The following IQCM variants were observed in gnomAD, a reference collection of about 807,000 sequenced individuals.
IQCM encodes the protein IQ domain-containing protein M.
IQCM carries 45 observed loss-of-function variants against 57.6 expected under a neutral mutation model. That is an observed-to-expected ratio of 0.78 (90% CI 0.62 to 1.00). The LOEUF is 1.00. IQCM is among the 50% of genes least tolerant of loss of function. The pLI is 0.00. For synonymous variants in IQCM, 148 were observed against 158.9 expected (o/e 0.93, Z 0.51); for missense variants, 468 against 511.6 (o/e 0.91, Z 0.82).
chr4:149,484,156 C>T (rs1741213300), intron 12 of IQCM, among the ~76,000 whole-genome samples: 1 of 151,880 alleles, frequency 6.6e-6, no homozygotes, highest in South Asian at 2.1e-4. Flanking sequence ...ATATCTCTTT[C>T]CATCCCTGAA....
chr4:149,518,910 G>C (rs1328908102), intron 12 of IQCM, among the ~76,000 whole-genome samples: 1 of 152,190 alleles, frequency 6.6e-6, no homozygotes, highest in African/African-American at 2.4e-5. Flanking sequence ...CCTACACTTA[G>C]GGAAGAGGTA....
chr4:149,507,619 C>T (rs1316942158), intron 12 of IQCM, among the ~76,000 whole-genome samples: 1 of 151,930 alleles, frequency 6.6e-6, no homozygotes, highest in Non-Finnish European at 1.5e-5. Context: ...TTCTAAGCAG[C>T]AAACATTCAA....
At chr4:149,505,231 C>A (rs752645993) in intron 12 of IQCM, among the ~76,000 whole-genome samples, 1 of 152,026 alleles carries the variant, frequency 6.6e-6, no homozygotes, top group African/African-American at 2.4e-5. Flanking sequence ...CTCAAACATA[C>A]GTACGAAAGA....
chr4:149,729,450 CT>C, intron 5 of IQCM, among the ~76,000 whole-genome samples: 2 of 135,952 alleles, frequency 1.5e-5, no homozygotes, highest in East Asian at 4.6e-4. Flanking sequence ...CACTCAAAGT[CT>C]TTTTTTGTTG....
chr4:149,391,407 G>T (rs530233727), intron 13 of IQCM, among the ~76,000 whole-genome samples: 1 of 151,878 alleles, frequency 6.6e-6, no homozygotes, highest in African/African-American at 2.4e-5. Flanking sequence ...CTAAAGATTG[G>T]TAGCTTTTGT....
intron 5 of IQCM, among the ~76,000 whole-genome samples, chr4:149,709,425 T>C (rs1351826491): frequency 6.6e-6 from 1 of 152,134 alleles, no homozygotes; most frequent in East Asian, 1.9e-4. Flanking sequence ...TGCTTTTCTG[T>C]ATGAGCATAT....
intron 13 of IQCM, among the ~76,000 whole-genome samples, chr4:149,417,642 GATTCAA>G (rs2111201553): frequency 6.6e-6 from 1 of 152,180 alleles, no homozygotes; most frequent in Non-Finnish European, 1.5e-5. Flanking sequence ...AAACCAGCTA[GATTCAA>G]GGTCCACAAT....
chr4:149,530,795 A>ACCCCCCC (rs1169417035), intron 12 of IQCM, among the ~76,000 whole-genome samples: 5 of 26,228 alleles, frequency 1.9e-4, no homozygotes, highest in Admixed American at 3.3e-4. Flanking sequence ...AGACACCCCC[A>ACCCCCCC]CCCCCCCACC....
chr4:149,650,404 GTTT>G lies in IQCM; in HGVS notation c.566-29163_566-29161del, dbSNP rs35846638. On this transcript the variant is annotated intron_variant, in intron 7 of 13. Transcript: ENST00000636793. ...CACCTTTGTTTCAATTAATTTCTGG[GTTT>G]TTTTTTTTTTTTTTTGACTCTGTCA... Among the ~76,000 whole-genome samples, 365 of 132,534 alleles carry G rather than the reference GTTT, an allele frequency of 2.8e-3. 3 individuals carry two copies. Among genetic ancestry groups the G allele is most frequent in the Non-Finnish European group, 4.2e-3 (265 of 62,688 alleles). The allele number at this position is 132,534 out of a possible 152,430, so 86.9% of individuals were successfully genotyped here.
chr4:149,364,052 T>C (rs939392796), intron 13 of IQCM, among the ~76,000 whole-genome samples: 1 of 152,162 alleles, frequency 6.6e-6, no homozygotes, highest in Non-Finnish European at 1.5e-5. Flanking sequence ...AAGAAGATTA[T>C]GTAATGGCAT....
chr4:149,715,499 T>C (rs1764914233), intron 5 of IQCM, among the ~76,000 whole-genome samples: 1 of 152,058 alleles, frequency 6.6e-6, no homozygotes, highest in African/African-American at 2.4e-5. Context: ...CTTGGGGAGC[T>C]CCTAGGTCTG....
chr4:149,672,407 A>C (rs1579946993), intron 7 of IQCM, among the ~76,000 whole-genome samples: 1 of 152,312 alleles, frequency 6.6e-6, no homozygotes, highest in Middle Eastern at 3.4e-3. Context: ...GCTAACTAGA[A>C]GAAACAGAGT....
chr4:149,698,759 T>C (rs1317917292), intron 5 of IQCM, among the ~76,000 whole-genome samples: 1 of 152,060 alleles, frequency 6.6e-6, no homozygotes, highest in Non-Finnish European at 1.5e-5. Context: ...GCATTAATTA[T>C]GAGAGATAAT....
chr4:149,561,878 C>A (rs746704686), intron 10 of IQCM, among the ~76,000 whole-genome samples: 8 of 152,082 alleles, frequency 5.3e-5, no homozygotes, highest in Admixed American at 6.6e-5. Context: ...ATGGAGAGAT[C>A]AGCTCTGCTT....
chr4:149,563,580 C>CT (rs1367706681), intron 10 of IQCM, 112 bp downstream of exon 10: 3 of 733,290 alleles, frequency 4.1e-6, no homozygotes, highest in Non-Finnish European at 5.6e-6. Flanking sequence ...CAGCAAAACT[C>CT]TATCTCCAAA....
At chr4:149,516,756 G>T (rs1745012861) in intron 12 of IQCM, among the ~76,000 whole-genome samples, 1 of 151,878 alleles carries the variant, frequency 6.6e-6, no homozygotes, top group Non-Finnish European at 1.5e-5. Flanking sequence ...ATTACGTTCT[G>T]CTTGCCTAGA....
At chr4:149,359,408 A>T (rs1011609750) in intron 13 of IQCM, among the ~76,000 whole-genome samples, 3 of 152,178 alleles carry the variant, frequency 2.0e-5, no homozygotes, top group Non-Finnish European at 4.4e-5. Flanking sequence ...TTGCTTATCT[A>T]CATTTTCAAT....
intron 12 of IQCM, among the ~76,000 whole-genome samples, chr4:149,521,814 A>G (rs957560291): frequency 2.0e-5 from 3 of 152,130 alleles, no homozygotes; most frequent in Non-Finnish European, 4.4e-5. Flanking sequence ...CTGCCATCCA[A>G]CTGACTGGAA....
intron 7 of IQCM, among the ~76,000 whole-genome samples, chr4:149,633,216 G>GAA (rs1757445183): frequency 4.0e-5 from 4 of 100,720 alleles, no homozygotes; most frequent in African/African-American, 1.1e-4. Flanking sequence ...ATAAATATAA[G>GAA]AAACAAGAAC....
Sources: allele counts gnomAD v4.1 joint callset (sites outside exome capture counted in the v4.1 genomes callset), GRCh38; gene constraint gnomAD v4.1.1; transcripts MANE v1.5; gene names NCBI Gene and HGNC (gene_info 2026-07-23, HGNC 2026-07-21).